Variants in MACROD2 observed in about 807,000 individuals in gnomAD.
The protein encoded by MACROD2 is ADP-ribose glycohydrolase MACROD2.
A neutral mutation model predicts 70.4 loss-of-function variants in MACROD2; 36 were observed. That is an observed-to-expected ratio of 0.51 (90% CI 0.39 to 0.68). The LOEUF is 0.68. Among genes scored for constraint, MACROD2 ranks in the 30% least tolerant of loss-of-function variants. MACROD2 has a pLI of 0.00. For missense variants in MACROD2, 496 were observed against 538.4 expected (o/e 0.92, Z 0.78); for synonymous variants, 172 against 178.8 (o/e 0.96, Z 0.30).
chr20:15,946,544 A>G (rs1348699432), intron 12 of MACROD2, among the ~76,000 whole-genome samples: 1 of 152,144 alleles, frequency 6.6e-6, no homozygotes, highest in African/African-American at 2.4e-5. Flanking sequence ...ATAAACCTTA[A>G]ATGTTATCAT....
chr20:14,630,949 C>T (rs1984474454), intron 4 of MACROD2, among the ~76,000 whole-genome samples: 1 of 152,090 alleles, frequency 6.6e-6, no homozygotes, highest in South Asian at 2.1e-4. Context: ...AATTCACTTA[C>T]AGAATTATTT....
intron 15 of MACROD2, among the ~76,000 whole-genome samples, chr20:16,026,814 A>T (rs1008662010): frequency 6.6e-6 from 1 of 152,154 alleles, no homozygotes; most frequent in African/African-American, 2.4e-5. Context: ...AGCCCCTACG[A>T]GGAGGGTTTC....
intron 3 of MACROD2, among the ~76,000 whole-genome samples, chr20:14,212,602 G>C (rs116152436): frequency 0.016 from 2,390 of 152,094 alleles, 70 homozygotes; most frequent in African/African-American, 0.054. Context: ...TTGGGTGGTG[G>C]AAAGAATGTA....
chr20:15,273,569 A>G (rs2077364681), intron 6 of MACROD2, among the ~76,000 whole-genome samples: 1 of 152,188 alleles, frequency 6.6e-6, no homozygotes, highest in African/African-American at 2.4e-5. Flanking sequence ...GCTTTTTAAG[A>G]AAACAGTTGA....
At chr20:14,358,113 T>C (rs1448709321) in intron 3 of MACROD2, among the ~76,000 whole-genome samples, 1 of 152,196 alleles carries the variant, frequency 6.6e-6, no homozygotes. Context: ...AAAAAGAGAA[T>C]GAAATATGGA....
chr20:14,628,459 C>CTAATAAATG (rs1259705086), intron 4 of MACROD2, among the ~76,000 whole-genome samples: 4 of 151,994 alleles, frequency 2.6e-5, no homozygotes, highest in African/African-American at 9.7e-5. Flanking sequence ...GGGTGATGGA[C>CTAATAAATG]TGGATGTGGA....
intron 8 of MACROD2, among the ~76,000 whole-genome samples, chr20:15,764,188 A>G (rs1470502607): frequency 2.0e-5 from 3 of 152,164 alleles, no homozygotes; most frequent in Non-Finnish European, 4.4e-5. Flanking sequence ...TTGCCACTCA[A>G]TTTGATATGA....
intron 5 of MACROD2, among the ~76,000 whole-genome samples, chr20:14,916,224 C>T (rs2122616393): frequency 6.6e-6 from 1 of 152,286 alleles, no homozygotes; most frequent in Non-Finnish European, 1.5e-5. Context: ...GTTCTGCCCT[C>T]CTTCCCATTT....
At chr20:14,416,098 A>G (rs746846787) in intron 3 of MACROD2, among the ~76,000 whole-genome samples, 5 of 151,866 alleles carry the variant, frequency 3.3e-5, no homozygotes, top group Non-Finnish European at 5.9e-5. Context: ...AGCTGGGATT[A>G]CAGGCACACA....
At chr20:15,357,487 C>A (rs1028864358) in intron 6 of MACROD2, among the ~76,000 whole-genome samples, 1 of 151,694 alleles carries the variant, frequency 6.6e-6, no homozygotes, top group Admixed American at 6.6e-5. Flanking sequence ...TTAAATTTTT[C>A]TTCACTTGTG....
At chr20:14,017,752 T>G (rs537845115) in intron 2 of MACROD2, among the ~76,000 whole-genome samples, 1 of 152,128 alleles carries the variant, frequency 6.6e-6, no homozygotes, top group Non-Finnish European at 1.5e-5. Context: ...AGGATATTGG[T>G]CTGGTTTTCT....
intron 8 of MACROD2, among the ~76,000 whole-genome samples, chr20:15,843,087 A>G (rs1254744810): frequency 6.6e-6 from 1 of 152,118 alleles, no homozygotes; most frequent in African/African-American, 2.4e-5. Flanking sequence ...GCTGTACCAC[A>G]CTCACCTCCA....
chr20:15,779,577 G>C (rs998901957), intron 8 of MACROD2, among the ~76,000 whole-genome samples: 5 of 152,166 alleles, frequency 3.3e-5, no homozygotes, highest in South Asian at 2.1e-4. Context: ...AAACTTACTG[G>C]CTGGTCAAAA....
chr20:15,094,239 T>C (rs1396945570), intron 5 of MACROD2, among the ~76,000 whole-genome samples: 2 of 152,216 alleles, frequency 1.3e-5, no homozygotes, highest in Non-Finnish European at 2.9e-5. Flanking sequence ...CTTTATCAGA[T>C]AATAATACTT....
At chr20:14,494,718 T>C (rs2084834588) in intron 4 of MACROD2, among the ~76,000 whole-genome samples, 1 of 152,210 alleles carries the variant, frequency 6.6e-6, no homozygotes, top group African/African-American at 2.4e-5. Flanking sequence ...GGGGGATTCA[T>C]AAATGTCTAT....
Position 14,085,588 on chromosome 20 carries a change from T to C in MACROD2, c.164-33T>C, listed in dbSNP as rs765427695. ...ATCTCGATTAAGTTAATTAATAATA[T>C]TATTATTGATATATATCCATTTTCT... is the stretch of plus-strand genomic sequence containing the variant. On this transcript the variant is annotated intron_variant, in intron 2 of 17. Coordinates refer to ENST00000684519, the MANE Select transcript of MACROD2 (RefSeq NM_001351661.2). 1.5e-5 allele frequency: 18 copies of C among 1,187,588 alleles called. No individual in the cohort carries two copies. The South Asian group carries it at 3.1e-4, about 20-fold the overall frequency. 73.6% of individuals were successfully genotyped at this position (1,187,588 alleles called of 1,614,324 possible).
At chr20:15,576,420 A>T (rs2048447948) in intron 8 of MACROD2, among the ~76,000 whole-genome samples, 1 of 152,210 alleles carries the variant, frequency 6.6e-6, no homozygotes, top group South Asian at 2.1e-4. Context: ...CTGCATCTCC[A>T]TCATGCTAAA....
At chr20:15,210,441 A>G (rs573380171) in intron 5 of MACROD2, among the ~76,000 whole-genome samples, 1 of 152,086 alleles carries the variant, frequency 6.6e-6, no homozygotes, top group South Asian at 2.1e-4. Flanking sequence ...CACAGTCAAT[A>G]TCAAATAATT....
chr20:15,919,375 A>T (rs1974866180), intron 10 of MACROD2, among the ~76,000 whole-genome samples: 1 of 152,214 alleles, frequency 6.6e-6, no homozygotes, highest in Non-Finnish European at 1.5e-5. Context: ...TGTCTAAAAT[A>T]GCATCAGCTA....
Sources: gnomAD v4.1 joint callset for allele counts (sites outside exome capture counted in the v4.1 genomes callset) on GRCh38, gnomAD v4.1.1 for gene constraint, MANE v1.5 for transcripts, NCBI Gene and HGNC (gene_info 2026-07-23, HGNC 2026-07-21) for gene names.